The following CSRNP3 variants were observed in gnomAD, a reference collection of about 807,000 sequenced individuals.
The protein encoded by CSRNP3 is cysteine/serine-rich nuclear protein 3.
A neutral mutation model predicts 48.0 loss-of-function variants in CSRNP3; 12 were observed. That is an observed-to-expected ratio of 0.25 (90% CI 0.16 to 0.41). CSRNP3 has a LOEUF of 0.41. Among genes scored for constraint, CSRNP3 ranks in the 10% least tolerant of loss-of-function variants. The pLI is 1.00. For synonymous variants in CSRNP3, 263 were observed against 269.7 expected (o/e 0.98, Z 0.24); for missense variants, 580 against 724.4 (o/e 0.80, Z 2.29).
At chr2:165,661,842 T>G (rs771054464) in intron 5 of CSRNP3, among the ~76,000 whole-genome samples, 5 of 152,134 alleles carry the variant, frequency 3.3e-5, no homozygotes, top group Non-Finnish European at 5.9e-5. Context: ...TCCAAACCCA[T>G]CATTATGGAG....
intron 3 of CSRNP3, among the ~76,000 whole-genome samples, chr2:165,586,096 T>G (rs1685625268): frequency 6.6e-6 from 1 of 152,196 alleles, no homozygotes; most frequent in African/African-American, 2.4e-5. Context: ...CTCATTACCA[T>G]ATAAGAAAAT....
intron 3 of CSRNP3, among the ~76,000 whole-genome samples, chr2:165,558,376 G>A (rs1685188529): frequency 6.6e-6 from 1 of 152,230 alleles, no homozygotes; most frequent in Admixed American, 6.5e-5. Flanking sequence ...GAAAGCACAA[G>A]AGCAGTCCAC....
At chr2:165,658,710 C>A (rs185203976) in intron 5 of CSRNP3, among the ~76,000 whole-genome samples, 9 of 152,050 alleles carry the variant, frequency 5.9e-5, no homozygotes, top group Non-Finnish European at 1.2e-4. Flanking sequence ...TATTACATGG[C>A]GGCAGCAAGA....
intron 3 of CSRNP3, among the ~76,000 whole-genome samples, chr2:165,523,131 G>A (rs1163420091): frequency 6.6e-6 from 1 of 152,080 alleles, no homozygotes; most frequent in East Asian, 1.9e-4. Context: ...AACCAACTAG[G>A]TCTATAAACA....
At chr2:165,634,365 A>G (rs1686592753) in intron 4 of CSRNP3, among the ~76,000 whole-genome samples, 1 of 152,172 alleles carries the variant, frequency 6.6e-6, no homozygotes, top group African/African-American at 2.4e-5. Context: ...ACACACACAG[A>G]AAAACATTAT....
intron 4 of CSRNP3, among the ~76,000 whole-genome samples, chr2:165,653,393 G>A (rs756763364): frequency 3.3e-5 from 5 of 152,220 alleles, no homozygotes; most frequent in African/African-American, 7.2e-5. Flanking sequence ...ATAGGAGGAA[G>A]CACTATTCCT....
At chr2:165,541,450 G>A (rs1351340316) in intron 3 of CSRNP3, among the ~76,000 whole-genome samples, 1 of 151,926 alleles carries the variant, frequency 6.6e-6, no homozygotes, top group East Asian at 1.9e-4. Flanking sequence ...TCTGTCTTCA[G>A]CTACTTCAAA....
At chr2:165,642,137 C>T (rs1016242165) in intron 4 of CSRNP3, among the ~76,000 whole-genome samples, 5 of 146,476 alleles carry the variant, frequency 3.4e-5, no homozygotes, top group Admixed American at 3.4e-4. Flanking sequence ...CACACACACA[C>T]ACACACACAC....
At position 165,642,560 on chromosome 2, in the gene CSRNP3, TTC is replaced by T. The variant is rs1410440309; in HGVS notation, c.149-15199_149-15198del. The stretch of plus-strand genomic sequence containing the variant: ...GGAAATCTAAAAATGATTATGCATA[TTC>T]TTTTTTTTTTTTTTTTGAGATTTAG... On this transcript the variant is annotated intron_variant, in intron 4 of 6. Transcript: ENST00000651982. 1.7e-3 allele frequency among the ~76,000 whole-genome samples: 257 copies of T among 149,138 alleles called. 2 individuals are homozygous for T. Among genetic ancestry groups the T allele is most frequent in the African/African-American group, 6.1e-3 (238 of 38,768 alleles).
At chr2:165,542,981 T>A (rs1186098694) in intron 3 of CSRNP3, among the ~76,000 whole-genome samples, 46 of 152,180 alleles carry the variant, frequency 3.0e-4, no homozygotes, top group Non-Finnish European at 1.2e-4. Flanking sequence ...ACTCTCATTC[T>A]CCTCTGAGAT....
intron 1 of CSRNP3, among the ~76,000 whole-genome samples, chr2:165,481,593 G>A (rs1042885736): frequency 7.9e-5 from 12 of 152,262 alleles, no homozygotes; most frequent in African/African-American, 2.9e-4. Flanking sequence ...AAACGGTGTG[G>A]TGTGAGCCCT....
At chr2:165,498,594 A>T (rs1408946321) in intron 2 of CSRNP3, among the ~76,000 whole-genome samples, 1 of 152,154 alleles carries the variant, frequency 6.6e-6, no homozygotes, top group Non-Finnish European at 1.5e-5. Flanking sequence ...AACAAACTTC[A>T]TTTAAATTTG....
At chr2:165,566,487 G>T (rs1418288521) in intron 3 of CSRNP3, among the ~76,000 whole-genome samples, 1 of 151,364 alleles carries the variant, frequency 6.6e-6, no homozygotes, top group Non-Finnish European at 1.5e-5. Flanking sequence ...TGCCTCAATG[G>T]TTTCATCTGT....
chr2:165,576,635 T>C (rs1157178194), intron 3 of CSRNP3, among the ~76,000 whole-genome samples: 2 of 152,060 alleles, frequency 1.3e-5, no homozygotes, highest in African/African-American at 4.8e-5. Flanking sequence ...AATTTATGTC[T>C]CTATGCAGAT....
At chr2:165,607,733 G>A (rs1304968474) in intron 4 of CSRNP3, among the ~76,000 whole-genome samples, 3 of 152,098 alleles carry the variant, frequency 2.0e-5, no homozygotes, top group African/African-American at 4.8e-5. Context: ...TAGTGCATCA[G>A]TTGAACTTGT....
In CSRNP3 at chr2:165,500,328, A is replaced by AATATATACATATGTATATATGTATATGT. The variant is rs1385065083; in HGVS notation, c.-113+5404_-113+5431dup. On this transcript the variant is annotated intron_variant, in intron 2 of 6. Coordinates refer to ENST00000651982, the MANE Select transcript of CSRNP3 (RefSeq NM_001172173.2). ...TTACTTACAATTCATATAAATAAGG[A>AATATATACATATGTATATATGTATATGT]ATATATACATATGTATATATGTATA... Among the ~76,000 whole-genome samples, 4 of 150,666 alleles carry AATATATACATATGTATATATGTATATGT rather than the reference A, an allele frequency of 2.7e-5. No homozygotes were observed. In the East Asian group the frequency reaches 5.8e-4, roughly 22 times the overall value.
chr2:165,510,737 A>T (rs1233193449), intron 2 of CSRNP3, among the ~76,000 whole-genome samples: 1 of 152,176 alleles, frequency 6.6e-6, no homozygotes, highest in Non-Finnish European at 1.5e-5. Flanking sequence ...TTTTTTGGAC[A>T]TACTATGTTT....
In CSRNP3 at chr2:165,666,520, A is replaced by G. The variant is rs1294837341; in HGVS notation, c.408+8500A>G. 4.7e-5 allele frequency among the ~76,000 whole-genome samples: 2 copies of G among 42,206 alleles called. 1 individual carries two copies. The highest frequency in any genetic ancestry group is 1.2e-4 in the African/African-American group (2 of 16,142). The allele number at this position is 42,206 out of a possible 152,430, so 27.7% of individuals were successfully genotyped here. ...GAGGAAAGAGAGAGAGGAAGAAAGA[A>G]AGACAGAGAGAGGAAGGAAGGAAGG... On this transcript the variant is annotated intron_variant, in intron 5 of 6. Coordinates refer to ENST00000651982, the MANE Select transcript of CSRNP3 (RefSeq NM_001172173.2).
chr2:165,502,755 C>A (rs12470554), intron 2 of CSRNP3, among the ~76,000 whole-genome samples: 32,384 of 151,658 alleles, frequency 0.21, 3,804 homozygotes, highest in East Asian at 0.34. Flanking sequence ...CTCTCTCTTC[C>A]CCTGTCTCTC....
Sources: gnomAD v4.1 joint callset for allele counts (sites outside exome capture counted in the v4.1 genomes callset) on GRCh38, gnomAD v4.1.1 for gene constraint, MANE v1.5 for transcripts, NCBI Gene and HGNC (gene_info 2026-07-23, HGNC 2026-07-21) for gene names.